The following DCTN5 variants were observed in gnomAD, a reference collection of about 807,000 sequenced individuals.
DCTN5 encodes dynactin subunit 5.
A neutral mutation model predicts 23.5 loss-of-function variants in DCTN5; 14 were observed. The observed-to-expected ratio is 0.60, with a 90% confidence interval of 0.39 to 0.93. DCTN5 has a LOEUF of 0.93. Ranked by LOEUF, DCTN5 falls within the 40% of genes least tolerant of loss-of-function variation. DCTN5 has a pLI of 0.00. For missense variants in DCTN5, 156 were observed against 225.9 expected (o/e 0.69, Z 1.98); for synonymous variants, 67 against 79.6 (o/e 0.84, Z 0.84).
Position 23,668,645 on chromosome 16 carries a change from G to C in DCTN5, c.*1501G>C, listed in dbSNP as rs1244096419. ...GGAGATTCTGCTAGTAAAAAGGAGT[G>C]GGGGAAGAATGGCCATTGGGAGACA... On this transcript the variant is annotated 3_prime_UTR_variant, in exon 6 of 6. Coordinates refer to ENST00000300087, the MANE Select transcript of DCTN5 (RefSeq NM_032486.4). The C allele has an allele frequency of 1.3e-5, 2 of 152,194 alleles. No individual in the cohort carries two copies. Among genetic ancestry groups the C allele is most frequent in the African/African-American group, 2.4e-5 (1 of 41,442 alleles). The allele number at this position is 152,194 out of a possible 1,614,324, so 9.4% of individuals were successfully genotyped here.
At chr16:23,661,129 C>T in intron 3 of DCTN5, 41 bp from the exon 4 acceptor site, 1 of 1,423,032 alleles carries the variant, frequency 7.0e-7, no homozygotes, top group Non-Finnish European at 9.9e-7. Flanking sequence ...CAAAGTACAT[C>T]ATCTTGACCT....
chr16:23,664,701 A>G (rs1260347550), intron 4 of DCTN5, among the ~76,000 whole-genome samples: 1 of 152,250 alleles, frequency 6.6e-6, no homozygotes, highest in East Asian at 1.9e-4. Context: ...GGATCATGGC[A>G]GAATTGAAAA....
At chr16:23,666,905 A>C in intron 5 of DCTN5, 142 bp from the exon 6 acceptor site, 1 of 1,342,764 alleles carries the variant, frequency 7.4e-7, no homozygotes, top group Non-Finnish European at 1.0e-6. Context: ...CTTAGCAAGC[A>C]CTGGACCAGA....
chr16:23,664,596 A>T (rs1037235702), intron 4 of DCTN5, among the ~76,000 whole-genome samples: 2 of 152,214 alleles, frequency 1.3e-5, no homozygotes, highest in African/African-American at 2.4e-5. Flanking sequence ...TCATTTCCTC[A>T]GCAAGGAGTC....
At chr16:23,652,989 A>T (rs1018036884) in intron 2 of DCTN5, among the ~76,000 whole-genome samples, 1 of 152,080 alleles carries the variant, frequency 6.6e-6, no homozygotes, top group African/African-American at 2.4e-5. Flanking sequence ...ACAAATAAAA[A>T]AAATTAGCTG....
chr16:23,645,110 TATATATATATATATATATATA>T (rs1967411186), intron 2 of DCTN5, among the ~76,000 whole-genome samples: 43 of 39,568 alleles, frequency 1.1e-3, no homozygotes, highest in South Asian at 5.4e-3. Context: ...TATATATATA[TATATATATATATATATATATA>T]TATATATTTT....
intron 2 of DCTN5, among the ~76,000 whole-genome samples, chr16:23,649,616 G>T (rs1397552264): frequency 6.6e-6 from 1 of 152,132 alleles, no homozygotes; most frequent in African/African-American, 2.4e-5. Flanking sequence ...GCCAAGGCGG[G>T]CGGATCACTT....
chr16:23,646,008 A>T (rs1191096067), intron 2 of DCTN5, among the ~76,000 whole-genome samples: 1 of 152,106 alleles, frequency 6.6e-6, no homozygotes, highest in Admixed American at 6.5e-5. Flanking sequence ...AAACTGACAA[A>T]TTTTTTTCCA....
At position 23,668,672 on chromosome 16, in the gene DCTN5, C is replaced by A. The variant is rs1014042364; in HGVS notation, c.*1528C>A. ...GGGAAGAATGGCCATTGGGAGACAA[C>A]AAGCAGACTCAACCAGGCCTCTTTG... is the stretch of plus-strand genomic sequence containing the variant. On this transcript the variant is annotated 3_prime_UTR_variant, in exon 6 of 6. Coordinates refer to ENST00000300087, the MANE Select transcript of DCTN5 (RefSeq NM_032486.4). 6.6e-6 allele frequency: 1 copy of A among 152,230 alleles called. No individual in the cohort carries two copies. The highest frequency in any genetic ancestry group is 2.4e-5 in the African/African-American group (1 of 41,450). The allele number at this position is 152,230 out of a possible 1,614,324, so 9.4% of individuals were successfully genotyped here.
At chr16:23,648,495 G>C (rs1276885149) in intron 2 of DCTN5, among the ~76,000 whole-genome samples, 1 of 151,810 alleles carries the variant, frequency 6.6e-6, no homozygotes, top group Non-Finnish European at 1.5e-5. Flanking sequence ...GATTACAGGT[G>C]CACACCACCA....
intron 4 of DCTN5, among the ~76,000 whole-genome samples, chr16:23,662,434 T>C (rs1434794501): frequency 6.6e-6 from 1 of 151,550 alleles, no homozygotes; most frequent in Non-Finnish European, 1.5e-5. Flanking sequence ...ATTTCTTAGA[T>C]GATGAGCTTG....
At chr16:23,651,217 T>C (rs1339407463) in intron 2 of DCTN5, 2 of 1,027,762 alleles carry the variant, frequency 1.9e-6, no homozygotes, top group East Asian at 8.5e-5. Flanking sequence ...TTGAGTTCAG[T>C]GAACTCTTTG....
intron 4 of DCTN5, among the ~76,000 whole-genome samples, chr16:23,662,762 G>T (rs1287856001): frequency 6.6e-6 from 1 of 152,218 alleles, no homozygotes; most frequent in African/African-American, 2.4e-5. Flanking sequence ...TAGCCTTCCA[G>T]CTGGGGGTTT....
Position 23,674,758 on chromosome 16 carries a change from C to G in DCTN5, c.*7614C>G, listed in dbSNP as rs1051874173. 1 of 152,080 alleles carries G rather than the reference C, an allele frequency of 6.6e-6. No individual in the cohort carries two copies. The highest frequency in any genetic ancestry group is 6.5e-5 in the Admixed American group (1 of 15,274). 9.4% of individuals were successfully genotyped at this position (152,080 alleles called of 1,614,324 possible). ...TCCTTTATTAGTTTGCTAAGGATACCATAACAAAGTACCACAAACTGAGTG... is the reference window on the plus strand; with the variant it reads ...TCCTTTATTAGTTTGCTAAGGATACGATAACAAAGTACCACAAACTGAGTG... On this transcript the variant is annotated 3_prime_UTR_variant, in exon 6 of 6. Coordinates refer to ENST00000300087, the MANE Select transcript of DCTN5 (RefSeq NM_032486.4).
At chr16:23,641,893 T>C (rs1203355487) in intron 1 of DCTN5, among the ~76,000 whole-genome samples, 3 of 152,154 alleles carry the variant, frequency 2.0e-5, no homozygotes, top group Admixed American at 6.5e-5. Context: ...ACACTGCCTT[T>C]TGTATCTGTT....
chr16:23,665,759 A>G, intron 5 of DCTN5, 31 bp downstream of exon 5: 1 of 1,543,906 alleles, frequency 6.5e-7, no homozygotes, highest in East Asian at 2.2e-5. Context: ...ATTTTATTTT[A>G]ACTTCCTAAA....
chr16:23,673,700 T>G lies in DCTN5; in HGVS notation c.*6556T>G, dbSNP rs1000429192. The G allele has an allele frequency of 4.6e-5, 7 of 152,102 alleles. No individual in the cohort carries two copies. Among genetic ancestry groups the G allele is most frequent in the African/African-American group, 1.7e-4 (7 of 41,434 alleles). The allele number at this position is 152,102 out of a possible 1,614,324, so 9.4% of individuals were successfully genotyped here. ...GTGTTAGTGGGATACAGCTTTCTAG[T>G]TTTTTGCCACTAGTGGATAGGTTGG... On this transcript the variant is annotated 3_prime_UTR_variant, in exon 6 of 6. Coordinates refer to ENST00000300087, the MANE Select transcript of DCTN5 (RefSeq NM_032486.4).
At chr16:23,666,246 T>A (rs1406756993) in intron 5 of DCTN5, among the ~76,000 whole-genome samples, 1 of 152,222 alleles carries the variant, frequency 6.6e-6, no homozygotes, top group African/African-American at 2.4e-5. Flanking sequence ...ACCCTCACAT[T>A]GGTCATGGGT....
rs1967418657 is a variant in DCTN5, at chr16:23,645,122, TATATA to T, written c.117+2100_117+2104del. 2.9e-4 allele frequency among the ~76,000 whole-genome samples: 12 copies of T among 40,888 alleles called. 1 individual carries two copies. The highest frequency in any genetic ancestry group is 1.4e-3 in the South Asian group (2 of 1,394). 26.8% of individuals were successfully genotyped at this position (40,888 alleles called of 152,430 possible). On this transcript the variant is annotated intron_variant, in intron 2 of 5. Transcript: ENST00000300087. ...ATATATATATATATATATATATATA[TATATA>T]TATATATATATTTTTTTTTTTTTTA... is the stretch of plus-strand genomic sequence containing the variant.
Sources: allele counts gnomAD v4.1 joint callset (sites outside exome capture counted in the v4.1 genomes callset), GRCh38; gene constraint gnomAD v4.1.1; transcripts MANE v1.5; gene names NCBI Gene and HGNC (gene_info 2026-07-23, HGNC 2026-07-21).